CHST15: variants seen among roughly 807,000 people sequenced by gnomAD.
The protein encoded by CHST15 is B cell RAG associated protein (GALNAC4S-6ST).
Under a neutral mutation model 53.6 loss-of-function variants are expected in CHST15, and 30 were observed. The ratio of observed to expected loss-of-function variants is 0.56; its 90% CI spans 0.42 to 0.76. The LOEUF is 0.76. Ranked by LOEUF, CHST15 falls within the 30% of genes least tolerant of loss-of-function variation. The probability of loss-of-function intolerance (pLI) is 0.00; values close to 1 mark genes in which losing one functional copy is unlikely to be tolerated. For missense variants in CHST15, 627 were observed against 740.5 expected (o/e 0.85, Z 1.78); for synonymous variants, 296 against 289.8 (o/e 1.02, Z -0.22).
At chr10:124,073,298 A>C (rs554412872) in intron 1 of CHST15, among the ~76,000 whole-genome samples, 4 of 152,372 alleles carry the variant, frequency 2.6e-5, no homozygotes, top group Non-Finnish European at 5.9e-5. Flanking sequence ...AGTACTGAGC[A>C]AAAGAACCCA....
chr10:124,084,512 C>T (rs970398548), intron 1 of CHST15, among the ~76,000 whole-genome samples: 28 of 152,164 alleles, frequency 1.8e-4, no homozygotes, highest in African/African-American at 6.5e-4. Context: ...TCAAGCCCCC[C>T]ACTACCGAGA....
At chr10:124,085,170 G>A (rs1949378603) in intron 1 of CHST15, among the ~76,000 whole-genome samples, 1 of 152,202 alleles carries the variant, frequency 6.6e-6, no homozygotes, top group South Asian at 2.1e-4. Flanking sequence ...ATACATGCCA[G>A]GACATACTTT....
At chr10:124,070,671 G>C (rs1040688989) in intron 1 of CHST15, among the ~76,000 whole-genome samples, 1 of 152,084 alleles carries the variant, frequency 6.6e-6, no homozygotes, top group Non-Finnish European at 1.5e-5. Context: ...CATTGTGCCC[G>C]GCCCTCAATA....
At chr10:124,075,481 C>G (rs531345685) in intron 1 of CHST15, among the ~76,000 whole-genome samples, 32 of 152,316 alleles carry the variant, frequency 2.1e-4, no homozygotes, top group South Asian at 1.4e-3. Context: ...GCTCACATCT[C>G]CAGTGACCTC....
At chr10:124,016,262 C>T (rs368304288) in intron 6 of CHST15, among the ~76,000 whole-genome samples, 5 of 152,034 alleles carry the variant, frequency 3.3e-5, no homozygotes, top group Middle Eastern at 3.2e-3. Flanking sequence ...CAGGGTGTGC[C>T]GGGGCCCAGG....
intron 1 of CHST15, among the ~76,000 whole-genome samples, chr10:124,055,427 G>A (rs943269543): frequency 2.6e-5 from 4 of 152,082 alleles, no homozygotes; most frequent in African/African-American, 9.7e-5. Context: ...CATTATTACT[G>A]GAGAGACCCT....
At chr10:124,055,708 C>A (rs527881804) in intron 1 of CHST15, among the ~76,000 whole-genome samples, 1 of 152,168 alleles carries the variant, frequency 6.6e-6, no homozygotes, top group Non-Finnish European at 1.5e-5. Context: ...GAAAAGCTCA[C>A]CCCCCTCCAA....
chr10:124,049,960 G>A (rs987448618), intron 1 of CHST15, among the ~76,000 whole-genome samples: 5 of 152,118 alleles, frequency 3.3e-5, no homozygotes, highest in Non-Finnish European at 7.4e-5. Context: ...GACTTGAATT[G>A]AATGGTAAGA....
At chr10:124,023,259 A>G (rs1024432911) in intron 5 of CHST15, among the ~76,000 whole-genome samples, 1 of 151,964 alleles carries the variant, frequency 6.6e-6, no homozygotes, top group Non-Finnish European at 1.5e-5. Flanking sequence ...CCGAGGTGGG[A>G]GGATCACTTG....
At position 124,062,257 on chromosome 10, in the gene CHST15, C is replaced by A. The variant is rs117290285; in HGVS notation, c.-512-15533G>T. ...GCTGTTTTATGAATGTTCACCAATGCCCAAAGAGCGTTTGACAGAGGCAGC... is the reference window on the plus strand; with the variant it reads ...GCTGTTTTATGAATGTTCACCAATGACCAAAGAGCGTTTGACAGAGGCAGC... On this transcript the variant is annotated intron_variant, in intron 1 of 7. Transcript: ENST00000435907. 1.9e-3 allele frequency among the ~76,000 whole-genome samples: 286 copies of A among 152,270 alleles called. 1 individual carries two copies. Among genetic ancestry groups the A allele is most frequent in the Non-Finnish European group, 3.5e-3 (236 of 68,024 alleles).
At chr10:124,053,493 C>A (rs1405585459) in intron 1 of CHST15, among the ~76,000 whole-genome samples, 1 of 151,694 alleles carries the variant, frequency 6.6e-6, no homozygotes, top group Non-Finnish European at 1.5e-5. Flanking sequence ...GTTGATTTTT[C>A]TTTTCTTTTT....
chr10:124,021,445 C>A, intron 5 of CHST15, 33 bp from the exon 6 acceptor site: 1 of 1,581,758 alleles, frequency 6.3e-7, no homozygotes. Context: ...TTTTTACCAC[C>A]CATGAACATG....
chr10:124,023,251 G>T (rs1010275600), intron 5 of CHST15, among the ~76,000 whole-genome samples: 1 of 152,066 alleles, frequency 6.6e-6, no homozygotes, highest in African/African-American at 2.4e-5. Context: ...TTAGGAGGCC[G>T]AGGTGGGAGG....
At chr10:124,013,421 T>G (rs767426234) in intron 6 of CHST15, among the ~76,000 whole-genome samples, 11 of 152,172 alleles carry the variant, frequency 7.2e-5, no homozygotes, top group Non-Finnish European at 1.3e-4. Context: ...ACTAACACCG[T>G]CCATGACTCC....
At chr10:124,073,266 C>G (rs1948976230) in intron 1 of CHST15, among the ~76,000 whole-genome samples, 1 of 152,186 alleles carries the variant, frequency 6.6e-6, no homozygotes, top group Admixed American at 6.5e-5. Context: ...CAAGCTTCAC[C>G]AGGGAAGAAT....
At chr10:124,058,402 A>G (rs889308361) in intron 1 of CHST15, among the ~76,000 whole-genome samples, 2 of 152,212 alleles carry the variant, frequency 1.3e-5, no homozygotes, top group African/African-American at 4.8e-5. Flanking sequence ...CAGCACTGAG[A>G]TTCCCCGAGT....
intron 5 of CHST15, among the ~76,000 whole-genome samples, chr10:124,038,262 A>G (rs1340242060): frequency 1.3e-5 from 2 of 151,762 alleles, no homozygotes; most frequent in African/African-American, 4.8e-5. Flanking sequence ...GTGTGCCACC[A>G]CATCTGGTAA....
rs185461254 is a variant in CHST15 at position 124,017,376 on chromosome 10, C to T, written c.1347+3880G>A. 5.3e-4 allele frequency among the ~76,000 whole-genome samples: 81 copies of T among 152,250 alleles called. 1 individual carries two copies. Among genetic ancestry groups the T allele is most frequent in the Middle Eastern group, 6.8e-3 (2 of 294 alleles). ...TGGCACCTTCTACGACCACATTAGC[C>T]GGATACCTTGCCCCTCACTGTCCTC... On this transcript the variant is annotated intron_variant, in intron 6 of 7. Coordinates refer to ENST00000435907, the MANE Select transcript of CHST15 (RefSeq NM_001270764.2).
At position 124,044,564 on chromosome 10, in the gene CHST15, G is replaced by A. The variant is rs758832725; in HGVS notation, c.886+16C>T. On this transcript the variant is annotated intron_variant, in intron 3 of 7. Coordinates refer to ENST00000435907, the MANE Select transcript of CHST15 (RefSeq NM_001270764.2). Reference sequence around the variant, plus strand: ...AGGAACGAGACCAGACAGGAGCCCTGGGACCCAGCACTCACCAAAGCGCTT... The same window carrying A: ...AGGAACGAGACCAGACAGGAGCCCTAGGACCCAGCACTCACCAAAGCGCTT... 2.0e-6 allele frequency: 3 copies of A among 1,480,520 alleles called. No homozygotes were observed. Among genetic ancestry groups the A allele is most frequent in the Middle Eastern group, 1.8e-4 (1 of 5,504 alleles). 91.7% of individuals were successfully genotyped at this position (1,480,520 alleles called of 1,614,324 possible).
Sources: gnomAD v4.1 joint callset for allele counts (sites outside exome capture counted in the v4.1 genomes callset) on GRCh38, gnomAD v4.1.1 for gene constraint, MANE v1.5 for transcripts, NCBI Gene and HGNC (gene_info 2026-07-23, HGNC 2026-07-21) for gene names.